LYPLAL1: variants seen among roughly 807,000 people sequenced by gnomAD.
The protein encoded by LYPLAL1 is lysophospholipase like 1, also known as lysophospholipase-like protein 1.
LYPLAL1 carries 23 observed loss-of-function variants against 19.7 expected under a neutral mutation model. That is an observed-to-expected ratio of 1.17 (90% confidence interval 0.84 to 1.65). The LOEUF (loss-of-function observed/expected upper bound fraction) is 1.65, where lower values mean the gene tolerates loss of function less well. Ranked by LOEUF, LYPLAL1 falls within the 40% of genes most tolerant of loss-of-function variation. LYPLAL1 has a pLI of 0.00. For synonymous variants in LYPLAL1, 119 were observed against 96.3 expected (o/e 1.24, Z -1.38); for missense variants, 355 against 279.4 (o/e 1.27, Z -1.93).
At chr1:219,405,989 T>C in the LYPLAL1 span, among the ~76,000 whole-genome samples, 3 of 152,192 alleles carry the variant, frequency 2.0e-5, no homozygotes, top group Non-Finnish European at 4.4e-5. Context: ...ATAATAAAAG[T>C]GTCCCTTCCA....
chr1:219,411,640 T>G, the LYPLAL1 span: 1 of 152,318 alleles, frequency 6.6e-6, no homozygotes, highest in Admixed American at 6.5e-5. Context: ...GTGGAAGCTT[T>G]ATTCTTTCGC....
intron 3 of LYPLAL1, among the ~76,000 whole-genome samples, chr1:219,208,602 G>C (rs533488963): frequency 6.6e-6 from 1 of 151,590 alleles, no homozygotes; most frequent in African/African-American, 2.4e-5. Flanking sequence ...ATTAGTATGC[G>C]TGCACCACAG....
the LYPLAL1 span, among the ~76,000 whole-genome samples, chr1:219,334,053 GC>G: frequency 4.6e-5 from 7 of 151,996 alleles, no homozygotes; most frequent in Non-Finnish European, 8.8e-5. Context: ...TTCAAATGAA[GC>G]CTTCCTTGTT....
At chr1:219,256,195 G>A in the LYPLAL1 span, among the ~76,000 whole-genome samples, 1 of 151,836 alleles carries the variant, frequency 6.6e-6, no homozygotes, top group African/African-American at 2.4e-5. Flanking sequence ...TTATCTTTTT[G>A]CGGAGATTAT....
chr1:219,242,515 G>A, the LYPLAL1 span, among the ~76,000 whole-genome samples: 1 of 152,014 alleles, frequency 6.6e-6, no homozygotes, highest in Non-Finnish European at 1.5e-5. Flanking sequence ...CTGCCTTGCT[G>A]GATTCCATCA....
the LYPLAL1 span, among the ~76,000 whole-genome samples, chr1:219,401,264 C>G: frequency 1.3e-5 from 2 of 150,224 alleles, no homozygotes; most frequent in Admixed American, 6.8e-5. Flanking sequence ...ATGATAAATT[C>G]TCCTGTAAGT....
At chr1:219,214,688 CTTTTTTT>C (rs11477665), downstream of LYPLAL1, among the ~76,000 whole-genome samples, 18 of 90,388 alleles carry the variant, frequency 2.0e-4, no homozygotes, top group African/African-American at 7.1e-4. Flanking sequence ...TTTTTCTTTT[CTTTTTTT>C]TTTTTTTTTT....
At chr1:219,430,196 A>T in the LYPLAL1 span, among the ~76,000 whole-genome samples, 1 of 142,076 alleles carries the variant, frequency 7.0e-6, no homozygotes, top group East Asian at 2.3e-4. Flanking sequence ...CCAGAGGCTG[A>T]GGTGGGAGGA....
the LYPLAL1 span, among the ~76,000 whole-genome samples, chr1:219,314,834 G>A: frequency 1.9e-4 from 29 of 152,202 alleles, no homozygotes; most frequent in Non-Finnish European, 3.7e-4. Context: ...TGACTCAGTA[G>A]GCCTGAGATG....
the LYPLAL1 span, among the ~76,000 whole-genome samples, chr1:219,320,566 A>G: frequency 6.6e-6 from 1 of 152,038 alleles, no homozygotes; most frequent in African/African-American, 2.4e-5. Flanking sequence ...CATTAGGTAT[A>G]TCTCCTAATG....
At chr1:219,382,103 G>C in the LYPLAL1 span, among the ~76,000 whole-genome samples, 1 of 152,314 alleles carries the variant, frequency 6.6e-6, no homozygotes, top group East Asian at 1.9e-4. Flanking sequence ...GTGCAAAAAA[G>C]AGACACAGTC....
At chr1:219,350,167 G>A in the LYPLAL1 span, among the ~76,000 whole-genome samples, 1 of 152,174 alleles carries the variant, frequency 6.6e-6, no homozygotes, top group African/African-American at 2.4e-5. Context: ...TTTTTTAAGT[G>A]ATTTTTTATA....
At chr1:219,442,921 C>T in the LYPLAL1 span, among the ~76,000 whole-genome samples, 1 of 152,120 alleles carries the variant, frequency 6.6e-6, no homozygotes, top group South Asian at 2.1e-4. Flanking sequence ...GGTCAGATAT[C>T]TTACATCCCA....
Position 219,211,933 on chromosome 1 carries a change from A to G in LYPLAL1, c.*205A>G, listed in dbSNP as rs1299728816. ...ATCTGTGCATAATTTTTCAGACACA[A>G]TTCTGTAAATATTTGGAAACCTTTT... On this transcript the variant is annotated 3_prime_UTR_variant, in exon 5 of 5. Coordinates refer to ENST00000366928, the MANE Select transcript of LYPLAL1 (RefSeq NM_138794.5). The G allele has an allele frequency of 2.6e-6, 1 of 390,434 alleles. No homozygotes were observed. The allele number at this position is 390,434 out of a possible 1,614,324, so 24.2% of individuals were successfully genotyped here. A position where few individuals can be genotyped will look rare whatever the true frequency, so the allele number is the denominator to read the frequency against.
At chr1:219,254,067 T>C in the LYPLAL1 span, among the ~76,000 whole-genome samples, 2 of 152,228 alleles carry the variant, frequency 1.3e-5, no homozygotes, top group East Asian at 1.9e-4. Context: ...TTTGTGGCTT[T>C]GAACTCTGTT....
chr1:219,387,279 T>C, the LYPLAL1 span, among the ~76,000 whole-genome samples: 1 of 152,230 alleles, frequency 6.6e-6, no homozygotes, highest in South Asian at 2.1e-4. Context: ...GTCTCATTTT[T>C]GTTAAAATAA....
chr1:219,227,355 G>T, the LYPLAL1 span, among the ~76,000 whole-genome samples: 1 of 152,112 alleles, frequency 6.6e-6, no homozygotes, highest in Admixed American at 6.6e-5. Context: ...TTGATTTGTG[G>T]TGTCTGTTTC....
Position 219,192,751 on chromosome 1 carries a change from A to AT in LYPLAL1, c.192-323dup, listed in dbSNP as rs374481003. On this transcript the variant is annotated intron_variant, in intron 2 of 4. Coordinates refer to ENST00000366928, the MANE Select transcript of LYPLAL1 (RefSeq NM_138794.5). ...TGTGCCTGTGCACGTATGTGTGTGTATTTTTTTTAACCAACATAGTATCCC... is the reference window on the plus strand; with the variant it reads ...TGTGCCTGTGCACGTATGTGTGTGTATTTTTTTTTAACCAACATAGTATCCC... Among the ~76,000 whole-genome samples, 369 of 151,326 alleles carry AT rather than the reference A, an allele frequency of 2.4e-3. 3 individuals are homozygous for AT. The highest frequency in any genetic ancestry group is 0.024 in the South Asian group (113 of 4,802).
At chr1:219,403,562 C>T in the LYPLAL1 span, among the ~76,000 whole-genome samples, 2 of 152,222 alleles carry the variant, frequency 1.3e-5, no homozygotes, top group Admixed American at 6.5e-5. Flanking sequence ...ACTGCAATAG[C>T]AGTTTATGCT....
Sources: gnomAD v4.1 joint callset for allele counts (sites outside exome capture counted in the v4.1 genomes callset) on GRCh38, gnomAD v4.1.1 for gene constraint, MANE v1.5 for transcripts, NCBI Gene and HGNC (gene_info 2026-07-23, HGNC 2026-07-21) for gene names.